ANKRD12: variants seen among roughly 807,000 people sequenced by gnomAD.
The protein encoded by ANKRD12 is ankyrin repeat domain 12.
A neutral mutation model predicts 183.4 loss-of-function variants in ANKRD12; 85 were observed. That is an observed-to-expected ratio of 0.46 (90% confidence interval 0.39 to 0.56). The LOEUF (loss-of-function observed/expected upper bound fraction) is 0.56. Ranked by LOEUF, ANKRD12 falls within the 20% of genes least tolerant of loss-of-function variation. The pLI is 0.00. For synonymous variants in ANKRD12, 914 were observed against 800.2 expected (o/e 1.14, Z -2.40); for missense variants, 2,405 against 2,357.1 (o/e 1.02, Z -0.42).
intron 6 of ANKRD12, among the ~76,000 whole-genome samples, chr18:9,214,352 T>C (rs1235916430): frequency 6.6e-6 from 1 of 151,164 alleles, no homozygotes. Flanking sequence ...TATTAAATCA[T>C]AGCTGCATAA....
rs780114226 is a variant in ANKRD12 at position 9,195,597 on chromosome 18, G to A, written c.134G>A (p.Arg45Gln). 11 of 1,610,784 alleles carry A rather than the reference G, an allele frequency of 6.8e-6. No homozygotes were observed. Among genetic ancestry groups the A allele is most frequent in the South Asian group, 3.3e-5 (3 of 90,772 alleles). The change falls in exon 3 of 13, where the codon CGA becomes CAA. Residue 45 changes from arginine (R) to glutamine (Q), a missense_variant. Arg to Gln is a conservative substitution (Grantham distance 43). Transcript: ENST00000262126. ...TACAGCAAAACTCCAAAAATTGAAC[G>A]AAGTGATGTGAGCAAGGAGATGAAA... ...ASYSKTPKIE[R>Q]SDVSKEMKEK...
intron 8 of ANKRD12, among the ~76,000 whole-genome samples, chr18:9,225,537 T>TA (rs1268988977): frequency 2.0e-5 from 3 of 150,994 alleles, no homozygotes; most frequent in Non-Finnish European, 4.4e-5. Context: ...AATGTAGAAA[T>TA]ACTAATTTTT....
At chr18:9,181,741 A>G (rs535622741) in intron 1 of ANKRD12, among the ~76,000 whole-genome samples, 1 of 152,318 alleles carries the variant, frequency 6.6e-6, no homozygotes, top group East Asian at 1.9e-4. Flanking sequence ...TTCAGGCATA[A>G]ACTTGTCATA....
At chr18:9,247,493 T>G (rs530808321) in intron 8 of ANKRD12, among the ~76,000 whole-genome samples, 11 of 152,226 alleles carry the variant, frequency 7.2e-5, no homozygotes, top group Non-Finnish European at 1.5e-4. Flanking sequence ...AAAATTTTTT[T>G]AAATTATAGG....
At chr18:9,261,786 A>C (rs1316096206) in intron 9 of ANKRD12, among the ~76,000 whole-genome samples, 1 of 152,028 alleles carries the variant, frequency 6.6e-6, no homozygotes, top group African/African-American at 2.4e-5. Flanking sequence ...GATTCGTTTC[A>C]CTAACTCTAA....
Position 9,254,521 on chromosome 18 carries a change from A to G in ANKRD12, c.1254A>G (p.Pro418=). The G allele has an allele frequency of 6.5e-7, 1 of 1,549,310 alleles. No individual in the cohort carries two copies. The highest frequency in any genetic ancestry group is 1.3e-5 in the South Asian group (1 of 79,886). ...CATTTAAAAGTAAAAAACAAAAGCC[A>G]TCTAGGGTCTTATATTCAAGTACTG... ...PKSFKSKKQK[P]SRVLYSSTES... The change falls in exon 9 of 13, where the codon CCA becomes CCG. Residue 418 remains proline, a synonymous_variant. Coordinates refer to ENST00000262126, the MANE Select transcript of ANKRD12 (RefSeq NM_015208.5).
At chr18:9,194,524 TTTTTTGTA>T (rs958707856) in intron 2 of ANKRD12, among the ~76,000 whole-genome samples, 5 of 151,956 alleles carry the variant, frequency 3.3e-5, no homozygotes, top group African/African-American at 1.2e-4. Flanking sequence ...ACCTGGCTAA[TTTTTTGTA>T]TTTTTGTAGA....
intron 10 of ANKRD12, 38 bp from the exon 11 acceptor site, chr18:9,275,486 T>TG: frequency 6.3e-7 from 1 of 1,587,080 alleles, no homozygotes; most frequent in Non-Finnish European, 8.6e-7. Context: ...AAAAATTTGT[T>TG]GAAGAATTTA....
chr18:9,222,268 T>C (rs2036462575), intron 8 of ANKRD12, among the ~76,000 whole-genome samples: 1 of 152,190 alleles, frequency 6.6e-6, no homozygotes, highest in Admixed American at 6.5e-5. Context: ...TTAAGCCTGC[T>C]GCAGAACCTC....
At chr18:9,244,150 T>G (rs1469205901) in intron 8 of ANKRD12, among the ~76,000 whole-genome samples, 1 of 152,102 alleles carries the variant, frequency 6.6e-6, no homozygotes, top group Non-Finnish European at 1.5e-5. Context: ...AATGAATGAA[T>G]GAAAGTGTCT....
Position 9,280,992 on chromosome 18 carries a change from C to T in ANKRD12, c.6055C>T (p.Gln2019Ter). 6.2e-7 allele frequency: 1 copy of T among 1,613,980 alleles called. No homozygotes were observed. The highest frequency in any genetic ancestry group is 8.5e-7 in the Non-Finnish European group (1 of 1,179,972). Residue 2019 changes from glutamine (Q) to a stop codon, truncating the protein, a stop_gained, in exon 13 of 13, where the codon CAG becomes TAG. Transcript: ENST00000262126. LOFTEE classifies it high-confidence loss of function. ...TGAAGCTGCGGCTTTAAATGCTGTC[C>T]AGAGGTTAGAATGGCAGCTCAAACT... ...QHEAAALNAV[Q>*]RLEWQLKLQE... is the part of the protein sequence containing the mutation.
intron 1 of ANKRD12, among the ~76,000 whole-genome samples, chr18:9,156,793 T>A (rs766235358): frequency 3.9e-5 from 6 of 152,130 alleles, no homozygotes; most frequent in Non-Finnish European, 2.9e-5. Context: ...GTATTGGCTG[T>A]GTAGAGAGCA....
At position 9,211,645 on chromosome 18, in the gene ANKRD12, A is replaced by G; in HGVS notation, c.513A>G (p.Ser171=). Reference sequence around the variant, plus strand: ...CCCAAAAGAAAACTCCCAGTTCTTCATCTCGACAGAAAGATAAAGTTAATA... The same window carrying G: ...CCCAAAAGAAAACTCCCAGTTCTTCGTCTCGACAGAAAGATAAAGTTAATA... ...TPAQKKTPSS[S]SRQKDKVNKR... Residue 171 remains serine, a synonymous_variant, in exon 6 of 13, where the codon TCA becomes TCG. Transcript: ENST00000262126. 1 of 1,613,932 alleles carries G rather than the reference A, an allele frequency of 6.2e-7. No homozygotes were observed. Among genetic ancestry groups the G allele is most frequent in the Non-Finnish European group, 8.5e-7 (1 of 1,179,900 alleles).
At chr18:9,169,664 C>T (rs2032482478) in intron 1 of ANKRD12, among the ~76,000 whole-genome samples, 1 of 152,168 alleles carries the variant, frequency 6.6e-6, no homozygotes, top group Admixed American at 6.5e-5. Context: ...GACTCTTTAT[C>T]CAATTTGCCA....
At chr18:9,280,204 A>C (rs922081196) in intron 12 of ANKRD12, among the ~76,000 whole-genome samples, 1 of 152,228 alleles carries the variant, frequency 6.6e-6, no homozygotes, top group Non-Finnish European at 1.5e-5. Flanking sequence ...ATCATCAGAC[A>C]TTAGATTCTC....
At chr18:9,213,486 T>G (rs1286042746) in intron 6 of ANKRD12, among the ~76,000 whole-genome samples, 1 of 151,974 alleles carries the variant, frequency 6.6e-6, no homozygotes, top group African/African-American at 2.4e-5. Flanking sequence ...AGCAACAATC[T>G]GTATCCTTAG....
intron 8 of ANKRD12, among the ~76,000 whole-genome samples, chr18:9,244,415 G>A (rs2037836843): frequency 6.6e-6 from 1 of 151,998 alleles, no homozygotes; most frequent in Admixed American, 6.6e-5. Flanking sequence ...GAACTGATGG[G>A]CTCAAGAGAT....
rs780002822 is a variant in ANKRD12, at chr18:9,208,664, A to G, written c.312A>G (p.Glu104=). The part of the protein sequence containing the change: ...ISSYRTYSEK[E]GPEKKKTKKE... ...ATTTGTTAATAATTCCAGAGAAAGA[A>G]GGTCCAGAAAAGAAGAAGACAAAAA... The change falls in exon 5 of 13, where the codon GAA becomes GAG. Residue 104 remains glutamate (E), a synonymous_variant. Transcript: ENST00000262126. The G allele has an allele frequency of 6.2e-7, 1 of 1,601,370 alleles. No individual in the cohort carries two copies. Among genetic ancestry groups the G allele is most frequent in the East Asian group, 2.2e-5 (1 of 44,736 alleles).
rs1218945541 is a variant in ANKRD12 at position 9,272,530 on chromosome 18, C to T, written c.5764-2994C>T. Among the ~76,000 whole-genome samples, 8 of 151,868 alleles carry T rather than the reference C, an allele frequency of 5.3e-5. 1 individual carries two copies. The highest frequency in any genetic ancestry group is 5.2e-4 in the Admixed American group (8 of 15,242). On this transcript the variant is annotated intron_variant, in intron 10 of 12. Coordinates refer to ENST00000262126, the MANE Select transcript of ANKRD12 (RefSeq NM_015208.5). ...TGAGCTGATATCACACCATTGCACT[C>T]CAGCCTGGACGACAGAGTGGGACTC...
Sources: gnomAD v4.1 joint callset for allele counts (sites outside exome capture counted in the v4.1 genomes callset) on GRCh38, gnomAD v4.1.1 for gene constraint, MANE v1.5 for transcripts, NCBI Gene and HGNC (gene_info 2026-07-23, HGNC 2026-07-21) for gene names.